Variants in CNTN6 observed in about 807,000 individuals in gnomAD.
The protein encoded by CNTN6 is contactin-6.
In CNTN6, 137 loss-of-function variants were observed where a neutral mutation model predicts 122.8. The observed-to-expected ratio is 1.12, with a 90% CI of 0.97 to 1.29. The LOEUF is 1.29. Among genes scored for constraint, CNTN6 ranks in the 50% most tolerant of loss-of-function variants. CNTN6 has a pLI of 0.00. For synonymous variants in CNTN6, 570 were observed against 426.0 expected (o/e 1.34, Z -4.16); for missense variants, 1,634 against 1,223.4 (o/e 1.34, Z -5.01).
intron 2 of CNTN6, among the ~76,000 whole-genome samples, chr3:1,158,067 T>A (rs1018778083): frequency 6.6e-6 from 1 of 152,206 alleles, no homozygotes; most frequent in Non-Finnish European, 1.5e-5. Flanking sequence ...AGTTACTGGA[T>A]CATATGGTAA....
rs141490401 is a variant in CNTN6, at chr3:1,402,662, A to C, written c.2986+176A>C. ...AAGTTATTCTCCAAAATTATAACAT[A>C]CACTATAAATGGTTTTATGCTTCCT... is the stretch of plus-strand genomic sequence containing the variant. On this transcript the variant is annotated intron_variant, in intron 22 of 22. Coordinates refer to ENST00000446702, the MANE Select transcript of CNTN6 (RefSeq NM_001289080.2). The C allele has an allele frequency of 5.1e-4, 271 of 529,736 alleles. 1 individual carries two copies. In the East Asian group the frequency reaches 5.7e-3, roughly 11 times the overall value. 32.8% of individuals were successfully genotyped at this position (529,736 alleles called of 1,614,324 possible). A position where few individuals can be genotyped will look rare whatever the true frequency, so the allele number is the denominator to read the frequency against.
intron 4 of CNTN6, among the ~76,000 whole-genome samples, chr3:1,258,531 C>A (rs2094795381): frequency 6.6e-6 from 1 of 152,016 alleles, no homozygotes; most frequent in Admixed American, 6.6e-5. Context: ...CTGGCTCTGG[C>A]ATTGCATGGT....
intron 4 of CNTN6, among the ~76,000 whole-genome samples, chr3:1,268,133 G>C (rs1310004500): frequency 1.3e-5 from 2 of 152,186 alleles, no homozygotes; most frequent in African/African-American, 4.8e-5. Context: ...ATGAACATTT[G>C]CCAAAAGGCA....
intron 7 of CNTN6, among the ~76,000 whole-genome samples, chr3:1,298,709 C>G (rs922001325): frequency 6.6e-6 from 1 of 152,104 alleles, no homozygotes; most frequent in African/African-American, 2.4e-5. Flanking sequence ...TGTTAATATG[C>G]ATGTGAGTTA....
At chr3:1,273,121 C>T (rs566488310) in intron 4 of CNTN6, among the ~76,000 whole-genome samples, 1 of 152,268 alleles carries the variant, frequency 6.6e-6, no homozygotes, top group African/African-American at 2.4e-5. Flanking sequence ...AACCACAGGA[C>T]ATGATAAGCC....
chr3:1,150,703 A>G (rs376014422), intron 2 of CNTN6, among the ~76,000 whole-genome samples: 1 of 152,218 alleles, frequency 6.6e-6, no homozygotes, highest in Admixed American at 6.5e-5. Flanking sequence ...ATGACAGGCT[A>G]AATAATGGCC....
intron 11 of CNTN6, among the ~76,000 whole-genome samples, chr3:1,339,676 T>A (rs1703605549): frequency 6.6e-6 from 1 of 152,124 alleles, no homozygotes; most frequent in Non-Finnish European, 1.5e-5. Flanking sequence ...TCTTACTGTA[T>A]ATTTGGTATC....
intron 8 of CNTN6, among the ~76,000 whole-genome samples, chr3:1,323,526 C>T (rs2127343): frequency 6.6e-6 from 1 of 151,668 alleles, no homozygotes; most frequent in African/African-American, 2.4e-5. Context: ...GGATTACTGA[C>T]TCAGTTACCT....
At chr3:1,271,238 T>C (rs981629038) in intron 4 of CNTN6, among the ~76,000 whole-genome samples, 7 of 152,164 alleles carry the variant, frequency 4.6e-5, no homozygotes, top group African/African-American at 1.7e-4. Context: ...TTTGAACCCA[T>C]ACAGATCAAT....
At chr3:1,183,628 A>G (rs901015134) in intron 2 of CNTN6, among the ~76,000 whole-genome samples, 6 of 152,168 alleles carry the variant, frequency 3.9e-5, no homozygotes, top group African/African-American at 1.4e-4. Flanking sequence ...TAAAAAGAGT[A>G]CTTTTTGGAT....
chr3:1,235,766 TGA>T (rs1432521952), intron 4 of CNTN6, among the ~76,000 whole-genome samples: 1 of 152,082 alleles, frequency 6.6e-6, no homozygotes, highest in Non-Finnish European at 1.5e-5. Context: ...AGAAAAACTG[TGA>T]GTCGGCTTGC....
chr3:1,115,525 G>A (rs770002055), intron 1 of CNTN6, among the ~76,000 whole-genome samples: 12 of 152,134 alleles, frequency 7.9e-5, no homozygotes, highest in Non-Finnish European at 1.3e-4. Flanking sequence ...CAAGGCAAGC[G>A]GATCACAAGG....
chr3:1,234,304 G>A (rs1375409843), intron 4 of CNTN6, among the ~76,000 whole-genome samples: 1 of 152,130 alleles, frequency 6.6e-6, no homozygotes, highest in Non-Finnish European at 1.5e-5. Flanking sequence ...TAACATAAAG[G>A]TCTTTGACTC....
intron 4 of CNTN6, among the ~76,000 whole-genome samples, chr3:1,244,456 C>T (rs921847498): frequency 7.4e-6 from 1 of 135,888 alleles, no homozygotes; most frequent in African/African-American, 2.8e-5. Flanking sequence ...TGGCCCTGCC[C>T]CAGGAAAGCG....
chr3:1,308,214 G>T (rs1360659708), intron 7 of CNTN6, among the ~76,000 whole-genome samples: 2 of 151,504 alleles, frequency 1.3e-5, no homozygotes, highest in Non-Finnish European at 2.9e-5. Flanking sequence ...AATTGTTTTA[G>T]CTTTTGCCAT....
chr3:1,285,014 A>G (rs1393650913), intron 5 of CNTN6, among the ~76,000 whole-genome samples: 1 of 152,198 alleles, frequency 6.6e-6, no homozygotes, highest in Non-Finnish European at 1.5e-5. Flanking sequence ...TTATATTCAG[A>G]AGAGTGACAT....
intron 11 of CNTN6, among the ~76,000 whole-genome samples, chr3:1,342,674 G>C (rs1237308598): frequency 6.6e-6 from 1 of 152,008 alleles, no homozygotes; most frequent in Non-Finnish European, 1.5e-5. Context: ...ATCTTATTGC[G>C]ACAATTCTGT....
intron 1 of CNTN6, among the ~76,000 whole-genome samples, chr3:1,108,185 A>G (rs574458112): frequency 6.6e-6 from 1 of 152,164 alleles, no homozygotes; most frequent in Non-Finnish European, 1.5e-5. Context: ...AGAGACAATG[A>G]CATATATCAA....
intron 1 of CNTN6, among the ~76,000 whole-genome samples, chr3:1,101,158 G>A (rs1165399214): frequency 6.6e-6 from 1 of 152,046 alleles, no homozygotes; most frequent in East Asian, 1.9e-4. Flanking sequence ...ATGAATTTGG[G>A]CCCTACAACC....
Sources: gnomAD v4.1 joint callset for allele counts (sites outside exome capture counted in the v4.1 genomes callset) on GRCh38, gnomAD v4.1.1 for gene constraint, MANE v1.5 for transcripts, NCBI Gene and HGNC (gene_info 2026-07-23, HGNC 2026-07-21) for gene names.